Variants in PTPRN2 observed in about 807,000 individuals in gnomAD.
PTPRN2 encodes the protein protein tyrosine phosphatase receptor type N2.
PTPRN2 carries 74 observed loss-of-function variants against 118.8 expected under a neutral mutation model. That is an observed-to-expected ratio of 0.62 (90% confidence interval 0.52 to 0.76). The LOEUF (loss-of-function observed/expected upper bound fraction) is 0.76. Among genes scored for constraint, PTPRN2 ranks in the 30% least tolerant of loss-of-function variants. The probability of loss-of-function intolerance (pLI) is 0.00; values close to 1 mark genes in which losing one functional copy is unlikely to be tolerated. For missense variants in PTPRN2, 1,481 were observed against 1,394.4 expected, an observed-to-expected ratio of 1.06 and a Z score of -0.99; for synonymous variants, 641 against 608.0, an observed-to-expected ratio of 1.05 and a Z score of -0.80.
At chr7:157,691,192 C>A (rs1265160492) in intron 12 of PTPRN2, among the ~76,000 whole-genome samples, 1 of 151,480 alleles carries the variant, frequency 6.6e-6, no homozygotes, top group Non-Finnish European at 1.5e-5. Flanking sequence ...AACGCCGAAG[C>A]CAGGGCCTTC....
chr7:158,311,269 T>C (rs929453996), intron 3 of PTPRN2, among the ~76,000 whole-genome samples: 3 of 152,222 alleles, frequency 2.0e-5, no homozygotes, highest in Non-Finnish European at 4.4e-5. Context: ...TCCTTCTCTT[T>C]TAAGGAATGA....
chr7:157,595,397 C>G, intron 16 of PTPRN2, 82 bp from the exon 17 acceptor site: 2 of 1,348,806 alleles, frequency 1.5e-6, no homozygotes, highest in Admixed American at 3.6e-5. Flanking sequence ...GTTAGGAAGC[C>G]AGAAGGTTAG....
intron 9 of PTPRN2, among the ~76,000 whole-genome samples, chr7:158,130,846 C>G (rs1818156664): frequency 6.7e-6 from 1 of 149,232 alleles, no homozygotes; most frequent in South Asian, 2.1e-4. Flanking sequence ...ACACACACAT[C>G]TACCCAACAC....
intron 3 of PTPRN2, among the ~76,000 whole-genome samples, chr7:158,242,419 G>A (rs1255495290): frequency 1.3e-5 from 2 of 152,220 alleles, no homozygotes; most frequent in African/African-American, 4.8e-5. Context: ...GTGGCCAAGA[G>A]TGAGGGAGGG....
At chr7:158,333,847 C>G (rs1305588105) in intron 2 of PTPRN2, among the ~76,000 whole-genome samples, 21 of 134,456 alleles carry the variant, frequency 1.6e-4, no homozygotes, top group African/African-American at 2.3e-4. Context: ...CACCATAGAG[C>G]TGACACCCGC....
At chr7:158,219,519 A>AAGAACAAAC (rs1828191468) in intron 3 of PTPRN2, among the ~76,000 whole-genome samples, 1 of 152,090 alleles carries the variant, frequency 6.6e-6, no homozygotes, top group Admixed American at 6.5e-5. Flanking sequence ...TAGAAAAAAA[A>AAGAACAAAC]AGAACAAACC....
intron 5 of PTPRN2, among the ~76,000 whole-genome samples, chr7:158,167,608 CACT>C (rs1294636983): frequency 6.6e-6 from 1 of 152,206 alleles, no homozygotes; most frequent in African/African-American, 2.4e-5. Context: ...TGTGAGACAT[CACT>C]ACTAAGTCCA....
At chr7:157,898,506 G>C (rs1423843615) in intron 12 of PTPRN2, among the ~76,000 whole-genome samples, 167 bp downstream of exon 12, 1 of 152,150 alleles carries the variant, frequency 6.6e-6, no homozygotes, top group South Asian at 2.1e-4. Context: ...TTTCGCCACC[G>C]TTTCCCACCC....
At chr7:157,976,708 G>A (rs1042683414) in intron 11 of PTPRN2, among the ~76,000 whole-genome samples, 3 of 151,734 alleles carry the variant, frequency 2.0e-5, no homozygotes, top group East Asian at 3.9e-4. Context: ...CGCAGATTGG[G>A]GTAAATAATC....
chr7:157,739,860 CT>C (rs1394039369), intron 12 of PTPRN2, among the ~76,000 whole-genome samples: 2 of 152,228 alleles, frequency 1.3e-5, no homozygotes, highest in East Asian at 3.8e-4. Context: ...TCCTGGGCCG[CT>C]CATTCCACCC....
At chr7:157,703,572 A>G (rs1798183980) in intron 12 of PTPRN2, among the ~76,000 whole-genome samples, 1 of 152,196 alleles carries the variant, frequency 6.6e-6, no homozygotes, top group African/African-American at 2.4e-5. Flanking sequence ...TAGCAACGTC[A>G]AGCCGTCCAG....
At chr7:158,072,545 G>C (rs578112632) in intron 11 of PTPRN2, among the ~76,000 whole-genome samples, 1 of 152,298 alleles carries the variant, frequency 6.6e-6, no homozygotes, top group South Asian at 2.1e-4. Context: ...ATAGCCTCAT[G>C]CTGGTCCCAA....
chr7:158,528,269 G>A (rs1294080148), intron 1 of PTPRN2, among the ~76,000 whole-genome samples: 5 of 152,220 alleles, frequency 3.3e-5, no homozygotes, highest in African/African-American at 1.2e-4. Context: ...GTGCAGGACA[G>A]GCGGGGGCAC....
chr7:158,407,147 C>A (rs1462386716), intron 2 of PTPRN2, among the ~76,000 whole-genome samples: 1 of 119,702 alleles, frequency 8.4e-6, no homozygotes, highest in Non-Finnish European at 1.8e-5. Flanking sequence ...CGTCCTGCGT[C>A]CTGGGTCCTG....
intron 5 of PTPRN2, among the ~76,000 whole-genome samples, chr7:158,171,181 T>TATACACACATAC (rs1162670057): frequency 6.9e-6 from 1 of 144,518 alleles, no homozygotes; most frequent in South Asian, 2.2e-4. Flanking sequence ...TATACACATA[T>TATACACACATAC]ATACACACAT....
intron 3 of PTPRN2, among the ~76,000 whole-genome samples, chr7:158,314,212 G>A (rs1455013030): frequency 2.0e-5 from 3 of 152,138 alleles, no homozygotes; most frequent in Non-Finnish European, 4.4e-5. Flanking sequence ...AAAGAGTCAC[G>A]CCCATTCTCA....
intron 11 of PTPRN2, among the ~76,000 whole-genome samples, chr7:158,001,591 C>T (rs76745844): frequency 1.3e-3 from 191 of 152,116 alleles, no homozygotes; most frequent in African/African-American, 4.4e-3. Flanking sequence ...GCCTCACGGG[C>T]GCTCCCACCA....
At chr7:158,162,703 G>C (rs988360861) in intron 6 of PTPRN2, among the ~76,000 whole-genome samples, 1 of 151,790 alleles carries the variant, frequency 6.6e-6, no homozygotes, top group Non-Finnish European at 1.5e-5. Flanking sequence ...CACTGAACCT[G>C]CTTTAAAGCT....
rs189364786 is a variant in PTPRN2, at chr7:158,555,461, G to C, written c.112+32097C>G. Among the ~76,000 whole-genome samples, 1 of 152,168 alleles carries C rather than the reference G, an allele frequency of 6.6e-6. No homozygotes were observed. Among genetic ancestry groups the C allele is most frequent in the Admixed American group, 6.5e-5 (1 of 15,282 alleles). ...GAAACCTCCCAACACTGACGTCACC[G>C]GGGTGGGGCAGGAGCAGGAAGAGGC... On this transcript the variant is annotated intron_variant, in intron 1 of 22. Coordinates refer to ENST00000389418, the MANE Select transcript of PTPRN2 (RefSeq NM_002847.5). The surrounding 1 kb of genome is among the most constrained non-coding windows in gnomAD (Gnocchi z 4.7).
Sources: gnomAD v4.1 joint callset for allele counts (sites outside exome capture counted in the v4.1 genomes callset) on GRCh38, gnomAD v4.1.1 for gene constraint, Gnocchi (gnomAD v3.1) non-coding constraint, MANE v1.5 for transcripts, NCBI Gene and HGNC (gene_info 2026-07-23, HGNC 2026-07-21) for gene names.